The following RNF13 variants were observed in gnomAD, a reference collection of about 807,000 sequenced individuals.
The protein encoded by RNF13 is ring finger protein 13.
RNF13 carries 19 observed loss-of-function variants against 37.7 expected under a neutral mutation model. The observed-to-expected ratio is 0.50, with a 90% CI of 0.35 to 0.74. RNF13 has a LOEUF of 0.74. Among genes scored for constraint, RNF13 ranks in the 30% least tolerant of loss-of-function variants. The pLI is 0.01. For synonymous variants in RNF13, 144 were observed against 157.8 expected (o/e 0.91, Z 0.65); for missense variants, 375 against 453.0 (o/e 0.83, Z 1.56).
chr3:149,825,151 G>T (rs1015914959), intron 1 of RNF13, among the ~76,000 whole-genome samples: 1 of 150,904 alleles, frequency 6.6e-6, no homozygotes, highest in Non-Finnish European at 1.5e-5. Context: ...TAGAGACAGA[G>T]TCTAGCTATG....
At chr3:149,919,083 T>C (rs1316920618) in intron 7 of RNF13, among the ~76,000 whole-genome samples, 2 of 152,218 alleles carry the variant, frequency 1.3e-5, no homozygotes, top group Non-Finnish European at 2.9e-5. Context: ...CTTTTTCCTA[T>C]TGATATGAAC....
chr3:149,902,031 A>G (rs1487371515), intron 5 of RNF13, 41 bp from the exon 6 acceptor site: 1 of 915,908 alleles, frequency 1.1e-6, no homozygotes. Flanking sequence ...TATACACTAA[A>G]TATGGGCTTT....
intron 4 of RNF13, among the ~76,000 whole-genome samples, chr3:149,889,024 C>T (rs1347755731): frequency 2.6e-5 from 4 of 152,040 alleles, no homozygotes; most frequent in South Asian, 2.1e-4. Flanking sequence ...CTGCAACCTC[C>T]GCCTCCTGGG....
chr3:149,831,601 A>G (rs1425416981), intron 1 of RNF13, among the ~76,000 whole-genome samples: 1 of 152,170 alleles, frequency 6.6e-6, no homozygotes, highest in Non-Finnish European at 1.5e-5. Context: ...ACAGGCTCAT[A>G]GGCGGAACGG....
intron 8 of RNF13, among the ~76,000 whole-genome samples, chr3:149,933,004 G>A (rs1425325166): frequency 2.0e-5 from 3 of 152,230 alleles, no homozygotes; most frequent in Non-Finnish European, 4.4e-5. Context: ...TTGGAACCTG[G>A]CAAGCCTTCT....
intron 1 of RNF13, among the ~76,000 whole-genome samples, chr3:149,836,722 A>G (rs1721663157): frequency 6.6e-6 from 1 of 152,160 alleles, no homozygotes; most frequent in Non-Finnish European, 1.5e-5. Flanking sequence ...TATTTTTTTC[A>G]CAATAGCTAA....
intron 1 of RNF13, among the ~76,000 whole-genome samples, chr3:149,818,543 C>T (rs900571387): frequency 6.6e-6 from 1 of 152,140 alleles, no homozygotes; most frequent in Admixed American, 6.5e-5. Context: ...GCAGAGGCTA[C>T]ATCTTAAAGA....
chr3:149,955,046 A>G (rs1721728550), intron 8 of RNF13, among the ~76,000 whole-genome samples: 1 of 152,204 alleles, frequency 6.6e-6, no homozygotes, highest in Non-Finnish European at 1.5e-5. Context: ...CCCCATTAGT[A>G]TGTTAAAGCA....
At position 149,923,945 on chromosome 3, in the gene RNF13, T is replaced by A. The variant is rs1225144362; in HGVS notation, c.700+2718T>A. Among the ~76,000 whole-genome samples, 3 of 152,112 alleles carry A rather than the reference T, an allele frequency of 2.0e-5. No homozygotes were observed. In the East Asian group the frequency reaches 5.8e-4, roughly 29 times the overall value. The stretch of plus-strand genomic sequence containing the variant: ...AGGATCCTTCTGCTGACATTAAGAA[T>A]AGGTTATTAGATGGCAAAGGGTATA... On this transcript the variant is annotated intron_variant, in intron 8 of 9. Transcript: ENST00000392894.
chr3:149,944,027 A>G (rs1478983142), intron 8 of RNF13, among the ~76,000 whole-genome samples: 1 of 151,652 alleles, frequency 6.6e-6, no homozygotes, highest in Non-Finnish European at 1.5e-5. Context: ...TGTTCTCATC[A>G]TTCAGTTCCC....
At chr3:149,891,355 T>C (rs1362037714) in intron 4 of RNF13, among the ~76,000 whole-genome samples, 2 of 152,234 alleles carry the variant, frequency 1.3e-5, no homozygotes, top group African/African-American at 4.8e-5. Context: ...TTATAAGGCA[T>C]GTTTTATTAG....
chr3:149,941,804 A>AT (rs1720308022), intron 8 of RNF13, among the ~76,000 whole-genome samples: 1 of 151,448 alleles, frequency 6.6e-6, no homozygotes, highest in Non-Finnish European at 1.5e-5. Flanking sequence ...TTTTTCTAGG[A>AT]GTTTAATAGT....
intron 8 of RNF13, among the ~76,000 whole-genome samples, chr3:149,949,310 A>G (rs935520440): frequency 4.2e-4 from 64 of 152,106 alleles, no homozygotes; most frequent in Non-Finnish European, 7.1e-4. Flanking sequence ...TTTGCTAAAC[A>G]TAGCATTCTT....
chr3:149,865,564 C>G (rs1724729483), intron 3 of RNF13, among the ~76,000 whole-genome samples: 1 of 152,020 alleles, frequency 6.6e-6, no homozygotes, highest in African/African-American at 2.4e-5. Context: ...CTCCTGGCCT[C>G]AAGCAATCCT....
At position 149,921,165 on chromosome 3, in the gene RNF13, C is replaced by A; in HGVS notation, c.638C>A (p.Ala213Asp). Residue 213 changes from alanine to aspartate, a missense_variant, in exon 8 of 10, where the codon GCT (alanine) becomes GAT (aspartate). Physicochemically the swap from Ala to Asp is moderately radical, Grantham distance 126 (BLOSUM62 -2). Transcript: ENST00000392894. ...AAATTTGTCCAGGATAGACATAGAG[C>A]TAGAAGAAACAGACTTCGTAAAGAT... ...ITKFVQDRHR[A>D]RRNRLRKDQL... The A allele has an allele frequency of 7.0e-7, 1 of 1,423,354 alleles. No homozygotes were observed. 88.2% of individuals were successfully genotyped at this position (1,423,354 alleles called of 1,614,324 possible).
At chr3:149,882,055 G>A (rs575547892) in intron 4 of RNF13, among the ~76,000 whole-genome samples, 1 of 151,774 alleles carries the variant, frequency 6.6e-6, no homozygotes, top group Non-Finnish European at 1.5e-5. Context: ...AGGAAGTCCA[G>A]AATAACTATT....
Position 149,825,543 on chromosome 3 carries a change from T to C in RNF13, c.-17+12190T>C, listed in dbSNP as rs146408414. Among the ~76,000 whole-genome samples, 1,219 of 152,288 alleles carry C rather than the reference T, an allele frequency of 8.0e-3. 9 individuals are homozygous for C. Among genetic ancestry groups the C allele is most frequent in the Non-Finnish European group, 0.013 (864 of 68,010 alleles). On this transcript the variant is annotated intron_variant, in intron 1 of 9. Coordinates refer to ENST00000392894, the MANE Select transcript of RNF13 (RefSeq NM_183381.3). ...TGTGCCCTGACTGCCTCTGCACACC[T>C]ACCCATCAGCACCCCAGTGGGCTGT...
At chr3:149,948,010 C>T (rs779891131) in intron 8 of RNF13, among the ~76,000 whole-genome samples, 5 of 151,864 alleles carry the variant, frequency 3.3e-5, no homozygotes, top group South Asian at 4.2e-4. Context: ...AGTGCAGTGG[C>T]GCGATCTCGG....
At chr3:149,948,111 A>G (rs1298148506) in intron 8 of RNF13, among the ~76,000 whole-genome samples, 2 of 151,956 alleles carry the variant, frequency 1.3e-5, no homozygotes, top group African/African-American at 4.8e-5. Context: ...CACCATGTCC[A>G]GCTAATTTTT....
Sources: gnomAD v4.1 joint callset for allele counts (sites outside exome capture counted in the v4.1 genomes callset) on GRCh38, gnomAD v4.1.1 for gene constraint, MANE v1.5 for transcripts, NCBI Gene and HGNC (gene_info 2026-07-23, HGNC 2026-07-21) for gene names.